The following PRDX1 variants were observed in gnomAD, a reference collection of about 807,000 sequenced individuals.
The protein encoded by PRDX1 is peroxiredoxin 1.
PRDX1 carries 19 observed loss-of-function variants against 20.7 expected under a neutral mutation model. That is an observed-to-expected ratio of 0.92 (90% CI 0.64 to 1.35). The LOEUF is 1.35. PRDX1 is among the 40% of genes most tolerant of loss of function. PRDX1 has a pLI of 0.00. For synonymous variants in PRDX1, 89 were observed against 83.9 expected (o/e 1.06, Z -0.33); for missense variants, 226 against 240.0 (o/e 0.94, Z 0.38).
intron 5 of PRDX1, 56 bp downstream of exon 5, chr1:45,514,451 C>A: frequency 6.3e-7 from 1 of 1,597,826 alleles, no homozygotes; most frequent in Non-Finnish European, 8.6e-7. Flanking sequence ...TGTGAAGGGG[C>A]AACCCACCCC....
In PRDX1 at chr1:45,519,050, A is replaced by G. The variant is rs984822942; in HGVS notation, c.-7T>C. The G allele has an allele frequency of 6.4e-7, 1 of 1,557,794 alleles. No homozygotes were observed. Among genetic ancestry groups the G allele is most frequent in the Admixed American group, 2.0e-5 (1 of 50,462 alleles). ...TAGCATTTCCTGAAGACATCTTCCT[A>G]TCAGCTAGAAATAACAGAAATGAAT... is the stretch of plus-strand genomic sequence containing the variant. On this transcript the variant is annotated 5_prime_UTR_variant, in exon 2 of 6. Coordinates refer to ENST00000319248, the MANE Select transcript of PRDX1 (RefSeq NM_181697.3).
chr1:45,521,488 T>C (rs1643912797), intron 1 of PRDX1: 1 of 152,144 alleles, frequency 6.6e-6, no homozygotes, highest in Non-Finnish European at 1.5e-5. Flanking sequence ...TTCCAGAAGC[T>C]TCCCGAACCC....
rs1489576909 is a variant in PRDX1, at chr1:45,519,017, C to A, written c.27G>T (p.Gly9=). Residue 9 remains glycine, a synonymous_variant, in exon 2 of 6, where the codon GGG becomes GGT. Coordinates refer to ENST00000319248, the MANE Select transcript of PRDX1 (RefSeq NM_181697.3). ...TGGCTTTGAAGTTGGGGGCAGGGTGCCCAATTTTAGCATTTCCTGAAGACA... is the reference window on the plus strand; with the variant it reads ...TGGCTTTGAAGTTGGGGGCAGGGTGACCAATTTTAGCATTTCCTGAAGACA... MSSGNAKI[G]HPAPNFKATA... is the part of the protein sequence containing the mutation. 1.9e-6 allele frequency: 3 copies of A among 1,598,070 alleles called. No individual in the cohort carries two copies. Among genetic ancestry groups the A allele is most frequent in the Non-Finnish European group, 2.6e-6 (3 of 1,175,040 alleles).
intron 5 of PRDX1, chr1:45,511,633 T>C: frequency 2.6e-6 from 1 of 391,922 alleles, no homozygotes; most frequent in African/African-American, 2.1e-5. Context: ...AATTTATTCA[T>C]GTAGCACTTG....
Position 45,511,416 on chromosome 1 carries a change from T to C in PRDX1, c.515-2A>G, listed in dbSNP as rs1379672870. 2 of 1,611,744 alleles carry C rather than the reference T, an allele frequency of 1.2e-6. No individual in the cohort carries two copies. Among genetic ancestry groups the C allele is most frequent in the Non-Finnish European group, 1.7e-6 (2 of 1,178,972 alleles). On this transcript the variant is annotated splice_acceptor_variant, in intron 5 of 5. Transcript: ENST00000319248. LOFTEE classifies it high-confidence loss of function. ...CAGGTTTCCAGCCAGCTGGGCACAC[T>C]GCAAGAGAAAGGCACCACTAATTAA...
intron 2 of PRDX1, among the ~76,000 whole-genome samples, chr1:45,516,491 GAGAGAGAGAGAAAGAGGGAGAC>G (rs1355670631): frequency 1.3e-5 from 2 of 152,130 alleles, no homozygotes; most frequent in African/African-American, 4.8e-5. Flanking sequence ...TATACACAGA[GAGAGAGAGAGAAAGAGGGAGAC>G]AGAGAGAGAC....
In PRDX1 at chr1:45,511,329, T is replaced by C; in HGVS notation, c.600A>G (p.Ter200TrpextTer85). The change falls in exon 6 of 6, where the codon TGA (stop) becomes TGG (tryptophan). Residue 200 changes from the stop codon to tryptophan (W), a stop_lost. Transcript: ENST00000319248. ...KSKEYFSKQK[*>W] ...GCCTGGCACTAAAACAGCCCAGCGC[T>C]CACTTCTGCTTGGAGAAATATTCTT... 3 of 1,609,538 alleles carry C rather than the reference T, an allele frequency of 1.9e-6. No homozygotes were observed. The highest frequency in any genetic ancestry group is 2.5e-6 in the Non-Finnish European group (3 of 1,177,642).
chr1:45,520,303 C>T (rs1349301703), intron 1 of PRDX1, among the ~76,000 whole-genome samples: 1 of 63,308 alleles, frequency 1.6e-5, no homozygotes, highest in Non-Finnish European at 2.8e-5. Context: ...GAATTCCCTT[C>T]ACCATTTGTG....
At chr1:45,513,292 G>C (rs888090705) in intron 5 of PRDX1, 9 of 152,130 alleles carry the variant, frequency 5.9e-5, no homozygotes, top group African/African-American at 1.7e-4. Context: ...CCTACATTCA[G>C]TAAGTTAGAT....
At chr1:45,515,155 T>TCA (rs1017686778) in intron 3 of PRDX1, among the ~76,000 whole-genome samples, 160 bp from the exon 4 acceptor site, 1 of 152,160 alleles carries the variant, frequency 6.6e-6, no homozygotes, top group African/African-American at 2.4e-5. Flanking sequence ...TTAAGGTAGG[T>TCA]CACTAGGGTA....
chr1:45,512,114 T>C (rs1643762875), intron 5 of PRDX1: 1 of 141,910 alleles, frequency 7.0e-6, no homozygotes, highest in Non-Finnish European at 1.5e-5. Context: ...AGTCTCCCTC[T>C]GTTGCCCAGG....
At position 45,514,959 on chromosome 1, in the gene PRDX1, G is replaced by A. The variant is rs752317535; in HGVS notation, c.297C>T (p.Pro99=). The A allele has an allele frequency of 3.0e-5, 49 of 1,614,130 alleles. No individual in the cohort carries two copies. The Admixed American group carries it at 7.2e-4, about 24-fold the overall frequency. The part of the protein sequence containing the change: ...NTPKKQGGLG[P]MNIPLVSDPK... ...GGTCTGATACCAAAGGAATGTTCAT[G>A]GGTCCCAGTCCTCCTTGTTTCTTAG... The change falls in exon 4 of 6, where the codon CCC becomes CCT. Residue 99 remains proline, a synonymous_variant. Transcript: ENST00000319248.
chr1:45,520,627 G>C (rs1178424947), intron 1 of PRDX1, among the ~76,000 whole-genome samples: 1 of 150,914 alleles, frequency 6.6e-6, no homozygotes, highest in Non-Finnish European at 1.5e-5. Context: ...GGGAGGCTGA[G>C]GCAGGAGAAT....
intron 5 of PRDX1, chr1:45,513,177 G>A (rs933565487): frequency 1.1e-4 from 16 of 152,048 alleles, no homozygotes; most frequent in African/African-American, 3.9e-4. Flanking sequence ...TGAACTATAT[G>A]GATTAACCTC....
chr1:45,513,885 C>T (rs1220665423), intron 5 of PRDX1, among the ~76,000 whole-genome samples: 2 of 150,416 alleles, frequency 1.3e-5, no homozygotes, highest in Non-Finnish European at 2.9e-5. Context: ...AATATGGCCT[C>T]GTGGGAAGGG....
At position 45,511,183 on chromosome 1, in the gene PRDX1, C is replaced by G; in HGVS notation, c.*146G>C. Reference sequence around the variant, plus strand: ...AAAGGAAGAAAGGCTGGTCTCTCCACCCCCTGTAGGAAAGGCCTGCCTTGT... The same window carrying G: ...AAAGGAAGAAAGGCTGGTCTCTCCAGCCCCTGTAGGAAAGGCCTGCCTTGT... On this transcript the variant is annotated 3_prime_UTR_variant, in exon 6 of 6. Transcript: ENST00000319248. The G allele has an allele frequency of 1.5e-6, 1 of 681,300 alleles. No homozygotes were observed. Among genetic ancestry groups the G allele is most frequent in the South Asian group, 2.1e-5 (1 of 48,336 alleles). 42.2% of individuals were successfully genotyped at this position (681,300 alleles called of 1,614,324 possible).
chr1:45,514,385 T>G, intron 5 of PRDX1, 122 bp downstream of exon 5: 3 of 1,247,832 alleles, frequency 2.4e-6, no homozygotes, highest in South Asian at 2.8e-5. Flanking sequence ...CTCTATACTT[T>G]GTCTACGTGT....
chr1:45,519,877 G>T (rs554484763), intron 1 of PRDX1, among the ~76,000 whole-genome samples: 1 of 152,188 alleles, frequency 6.6e-6, no homozygotes, highest in East Asian at 1.9e-4. Context: ...GATTACAGGC[G>T]TGAGCCACCG....
chr1:45,521,898 G>C (rs1222930308), upstream of PRDX1: 3 of 152,750 alleles, frequency 2.0e-5, no homozygotes, highest in Non-Finnish European at 2.9e-5. Context: ...AGAGCTCTCC[G>C]GGGCGCTGCC....
Sources: gnomAD v4.1 joint callset for allele counts (sites outside exome capture counted in the v4.1 genomes callset) on GRCh38, gnomAD v4.1.1 for gene constraint, MANE v1.5 for transcripts, NCBI Gene and HGNC (gene_info 2026-07-23, HGNC 2026-07-21) for gene names.